Variants in CFLAR observed in about 807,000 individuals in gnomAD.
CFLAR encodes CASP8 and FADD-like apoptosis regulator.
Under a neutral mutation model 51.1 loss-of-function variants are expected in CFLAR, and 14 were observed. The ratio of observed to expected loss-of-function variants is 0.27; its 90% CI spans 0.18 to 0.43. The LOEUF (loss-of-function observed/expected upper bound fraction) is 0.43. Among genes scored for constraint, CFLAR ranks in the 20% least tolerant of loss-of-function variants. CFLAR has a pLI of 1.00. For synonymous variants in CFLAR, 210 were observed against 211.6 expected, an observed-to-expected ratio of 0.99 and a Z score of 0.06; for missense variants, 390 against 566.5, an observed-to-expected ratio of 0.69 and a Z score of 3.16.
chr2:201,116,667 G>A lies in CFLAR; in HGVS notation c.-138+186G>A, dbSNP rs558736305. ...TGCAGGTGGCCGGCAGTGGCCAGGGGATGGCGGGGGCGCTTCTGGAACCTG... is the reference window on the plus strand; with the variant it reads ...TGCAGGTGGCCGGCAGTGGCCAGGGAATGGCGGGGGCGCTTCTGGAACCTG... On this transcript the variant is annotated intron_variant, in intron 1 of 9. Transcript: ENST00000309955. The surrounding 1 kb of genome is among the most constrained non-coding windows in gnomAD (Gnocchi z 4.8). Among the ~76,000 whole-genome samples, 19 of 152,360 alleles carry A rather than the reference G, an allele frequency of 1.2e-4. No homozygotes were observed. The highest frequency in any genetic ancestry group is 4.1e-4 in the African/African-American group (17 of 41,586).
At chr2:201,141,593 C>T (rs1206124369) in intron 5 of CFLAR, 2 of 1,308,184 alleles carry the variant, frequency 1.5e-6, no homozygotes, top group Admixed American at 3.6e-5. Context: ...TATCCTTGTA[C>T]TTCTTTGTGC....
intron 8 of CFLAR, among the ~76,000 whole-genome samples, chr2:201,155,258 A>T (rs1941959964): frequency 6.6e-6 from 1 of 151,932 alleles, no homozygotes; most frequent in South Asian, 2.1e-4. Context: ...TGCAGATTTT[A>T]AGAGGAAGTT....
chr2:201,138,241 G>A lies in CFLAR; in HGVS notation c.524-2116G>A, dbSNP rs2050407916. 1 of 896,252 alleles carries A rather than the reference G, an allele frequency of 1.1e-6. No homozygotes were observed. Among genetic ancestry groups the A allele is most frequent in the Admixed American group, 1.7e-5 (1 of 58,642 alleles). The allele number at this position is 896,252 out of a possible 1,614,324, so 55.5% of individuals were successfully genotyped here. Reference sequence around the variant, plus strand: ...GATACACCGAGTTCCCTTGGGACGAGTCCAAGCCTATGACATTGACGCCTA... The same window carrying A: ...GATACACCGAGTTCCCTTGGGACGAATCCAAGCCTATGACATTGACGCCTA... On this transcript the variant is annotated intron_variant, in intron 4 of 9. Coordinates refer to ENST00000309955, the MANE Select transcript of CFLAR (RefSeq NM_003879.7). The surrounding 1 kb of genome is among the most constrained non-coding windows in gnomAD (Gnocchi z 4.0).
At position 201,169,007 on chromosome 2, in the gene CFLAR, A is replaced by G. The variant is rs950269681; in HGVS notation, c.*5034A>G. ...CATTCCATTCTCGTGGATAGGAAGAATCAATATCATGAAAATGGCCATACT... is the reference window on the plus strand; with the variant it reads ...CATTCCATTCTCGTGGATAGGAAGAGTCAATATCATGAAAATGGCCATACT... On this transcript the variant is annotated 3_prime_UTR_variant, in exon 10 of 10. Coordinates refer to ENST00000309955, the MANE Select transcript of CFLAR (RefSeq NM_003879.7). 1.3e-5 allele frequency: 2 copies of G among 152,228 alleles called. No individual in the cohort carries two copies. Among genetic ancestry groups the G allele is most frequent in the African/African-American group, 4.8e-5 (2 of 41,462 alleles). 9.4% of individuals were successfully genotyped at this position (152,228 alleles called of 1,614,324 possible).
At position 201,135,974 on chromosome 2, in the gene CFLAR, T is replaced by A; in HGVS notation, c.390T>A (p.Ser130Arg). Residue 130 changes from serine (S) to arginine (R), a missense_variant and splice_region_variant, in exon 4 of 10, where the codon AGT (serine) becomes AGA (arginine). Ser to Arg is a moderately radical substitution (Grantham distance 110, BLOSUM62 -1). This residue lies in a region of CFLAR where 103 missense variants were observed against 202.9 expected (regional missense o/e 0.51). Coordinates refer to ENST00000309955, the MANE Select transcript of CFLAR (RefSeq NM_003879.7). ...MGRGKISKEK[S>R]FLDLVVELEK... ...TTTTTTGTTGGTGGTTCTCTTAGAG[T>A]TTCTTGGACCTTGTGGTTGAGTTGG... 1 of 1,606,148 alleles carries A rather than the reference T, an allele frequency of 6.2e-7. No individual in the cohort carries two copies. Among genetic ancestry groups the A allele is most frequent in the Non-Finnish European group, 8.5e-7 (1 of 1,178,002 alleles).
At chr2:201,151,182 C>T (rs148564769) in intron 8 of CFLAR, 41 of 152,332 alleles carry the variant, frequency 2.7e-4, no homozygotes, top group East Asian at 1.2e-3. Flanking sequence ...TCTATCTGCG[C>T]GTCACCATTG....
In CFLAR at chr2:201,118,327, C is replaced by A. The variant is rs2047818612; in HGVS notation, c.-138+1846C>A. 2.0e-5 allele frequency among the ~76,000 whole-genome samples: 3 copies of A among 152,342 alleles called. No individual in the cohort carries two copies. Among genetic ancestry groups the A allele is most frequent in the Admixed American group, 2.0e-4 (3 of 15,304 alleles). On this transcript the variant is annotated intron_variant, in intron 1 of 9. Coordinates refer to ENST00000309955, the MANE Select transcript of CFLAR (RefSeq NM_003879.7). The surrounding 1 kb of genome is among the most constrained non-coding windows in gnomAD (Gnocchi z 5.1). ...GCAGGGTCGCTGGGTTTCCCCCTCC[C>A]CCCGAAAGTCTTGCGCGACCCGGGG...
chr2:201,119,279 A>T (rs941670949), intron 1 of CFLAR: 2 of 152,174 alleles, frequency 1.3e-5, no homozygotes, highest in Non-Finnish European at 2.9e-5. Context: ...ATAGAAATGG[A>T]TCTAAACTTG....
At chr2:201,157,472 C>G (rs200919043) in intron 8 of CFLAR, among the ~76,000 whole-genome samples, 2 of 151,952 alleles carry the variant, frequency 1.3e-5, no homozygotes, top group Admixed American at 6.5e-5. Flanking sequence ...ACCTCCTGCT[C>G]AAGAGATCCT....
At chr2:201,159,452 G>C (rs1182635875) in intron 8 of CFLAR, among the ~76,000 whole-genome samples, 1 of 152,048 alleles carries the variant, frequency 6.6e-6, no homozygotes, top group African/African-American at 2.4e-5. Context: ...TGGGACTACA[G>C]GTGCGTGCCA....
Position 201,149,780 on chromosome 2 carries a change from G to A in CFLAR, c.738G>A (p.Met246Ile), listed in dbSNP as rs780087862. Residue 246 changes from methionine (M) to isoleucine (I), a missense_variant, in exon 8 of 10, where the codon ATG (methionine) becomes ATA (isoleucine). Coordinates refer to ENST00000309955, the MANE Select transcript of CFLAR (RefSeq NM_003879.7). Reference sequence around the variant, plus strand: ...GCATACCTGAAGAGAGATACAAGATGAAGAGCAAGCCCCTAGGAATCTGCC... The same window carrying A: ...GCATACCTGAAGAGAGATACAAGATAAAGAGCAAGCCCCTAGGAATCTGCC... ...PQSIPEERYK[M>I]KSKPLGICLI... is the part of the protein sequence containing the mutation. 2 of 1,613,594 alleles carry A rather than the reference G, an allele frequency of 1.2e-6. No homozygotes were observed. Among genetic ancestry groups the A allele is most frequent in the African/African-American group, 1.3e-5 (1 of 74,906 alleles).
At position 201,171,602 on chromosome 2, in the gene CFLAR, G is replaced by A. The variant is rs879510299; in HGVS notation, c.*7629G>A. The A allele has an allele frequency of 6.6e-6, 1 of 150,880 alleles. No individual in the cohort carries two copies. Among genetic ancestry groups the A allele is most frequent in the Non-Finnish European group, 1.5e-5 (1 of 67,880 alleles). The allele number at this position is 150,880 out of a possible 1,614,324, so 9.3% of individuals were successfully genotyped here. On this transcript the variant is annotated 3_prime_UTR_variant, in exon 10 of 10. Coordinates refer to ENST00000309955, the MANE Select transcript of CFLAR (RefSeq NM_003879.7). Reference sequence around the variant, plus strand: ...GGTGCAGCAAACCACCATGGGACACGTTTACCTATGTAACAAACCCGCACA... The same window carrying A: ...GGTGCAGCAAACCACCATGGGACACATTTACCTATGTAACAAACCCGCACA...
Position 201,124,253 on chromosome 2 carries a change from C to T in CFLAR, c.-137-5476C>T, listed in dbSNP as rs756616075. Among the ~76,000 whole-genome samples the T allele has an allele frequency of 6.6e-6, 1 of 152,164 alleles. No individual in the cohort carries two copies. The highest frequency in any genetic ancestry group is 2.4e-5 in the African/African-American group (1 of 41,430). On this transcript the variant is annotated intron_variant, in intron 1 of 9. Coordinates refer to ENST00000309955, the MANE Select transcript of CFLAR (RefSeq NM_003879.7). This position sits in a 1 kb window ranked among gnomAD's most constrained non-coding sequence, Gnocchi z 4.7. Reference sequence around the variant, plus strand: ...GGTTGAGAGGCCTGACTAAACTTAACCACATTTGCTGACACCTGGTTAGGG... The same window carrying T: ...GGTTGAGAGGCCTGACTAAACTTAATCACATTTGCTGACACCTGGTTAGGG...
rs1434332107 is a variant in CFLAR, at chr2:201,140,203, G to A, written c.524-154G>A. On this transcript the variant is annotated intron_variant, in intron 4 of 9. Coordinates refer to ENST00000309955, the MANE Select transcript of CFLAR (RefSeq NM_003879.7). Reference sequence around the variant, plus strand: ...ACTCCATTCTTCATGATGTTTGGTCGAAGAGTCATCTGAAATTTTGAATTC... The same window carrying A: ...ACTCCATTCTTCATGATGTTTGGTCAAAGAGTCATCTGAAATTTTGAATTC... 8.2e-6 allele frequency: 7 copies of A among 853,704 alleles called. No homozygotes were observed. In the East Asian group the frequency reaches 9.2e-5, roughly 11 times the overall value. The allele number at this position is 853,704 out of a possible 1,614,324, so 52.9% of individuals were successfully genotyped here.
rs180986094 is a variant in CFLAR, at chr2:201,142,283, A to G, written c.606+1844A>G. On this transcript the variant is annotated intron_variant, in intron 5 of 9. Transcript: ENST00000309955. The stretch of plus-strand genomic sequence containing the variant: ...GAGTGAGACCTTGTCTCTAAAAGAA[A>G]AAAAAATATTATATATATATATATA... Among the ~76,000 whole-genome samples the G allele has an allele frequency of 6.2e-4, 93 of 151,142 alleles. 4 individuals are homozygous for G. In the East Asian group the frequency reaches 0.018, roughly 29 times the overall value.
intron 4 of CFLAR, 193 bp from the exon 5 acceptor site, chr2:201,140,164 C>A: frequency 2.2e-6 from 1 of 456,956 alleles, no homozygotes; most frequent in Non-Finnish European, 3.6e-6. Flanking sequence ...GCGGGGCGGG[C>A]CAGGGCGCCC....
intron 4 of CFLAR, chr2:201,136,581 AC>A: frequency 6.9e-7 from 1 of 1,451,030 alleles, no homozygotes; most frequent in African/African-American, 1.4e-5. Context: ...GATAAAAGGG[AC>A]CAGATTCACA....
In CFLAR at chr2:201,169,765, AAAAC is replaced by A. The variant is rs972078287; in HGVS notation, c.*5795_*5798del. ...AACTTAAAACAAATTTACAAGGAAAAAAACAACCCCATCAAAAAGTGGACAAAGG... is the reference window on the plus strand; with the variant it reads ...AACTTAAAACAAATTTACAAGGAAAAAACCCCATCAAAAAGTGGACAAAGG... On this transcript the variant is annotated 3_prime_UTR_variant, in exon 10 of 10. Transcript: ENST00000309955. The A allele has an allele frequency of 3.3e-5, 5 of 152,100 alleles. No individual in the cohort carries two copies. Among genetic ancestry groups the A allele is most frequent in the Admixed American group, 3.3e-4 (5 of 15,260 alleles). The allele number at this position is 152,100 out of a possible 1,614,324, so 9.4% of individuals were successfully genotyped here.
chr2:201,125,871 C>T (rs933843824), intron 1 of CFLAR, among the ~76,000 whole-genome samples: 1 of 152,024 alleles, frequency 6.6e-6, no homozygotes, highest in Non-Finnish European at 1.5e-5. Context: ...GTAGAGGCTT[C>T]CTCATTAAGG....
Sources: gnomAD v4.1 joint callset for allele counts (sites outside exome capture counted in the v4.1 genomes callset) on GRCh38, gnomAD v4.1.1 for gene constraint, gnomAD v4.1.1 regional missense constraint, Gnocchi (gnomAD v3.1) non-coding constraint, MANE v1.5 for transcripts, NCBI Gene and HGNC (gene_info 2026-07-23, HGNC 2026-07-21) for gene names.